The following RALYL variants were observed in gnomAD, a reference collection of about 807,000 sequenced individuals.
The protein encoded by RALYL is RALY RNA binding protein like.
RALYL carries 29 observed loss-of-function variants against 35.1 expected under a neutral mutation model. The observed-to-expected ratio is 0.83, with a 90% CI of 0.61 to 1.13. The LOEUF (loss-of-function observed/expected upper bound fraction) is 1.13, where lower values mean the gene tolerates loss of function less well. Ranked by LOEUF, RALYL falls within the 50% of genes most tolerant of loss-of-function variation. The probability of loss-of-function intolerance (pLI) is 0.00; values close to 1 mark genes in which losing one functional copy is unlikely to be tolerated. For missense variants in RALYL, 359 were observed against 360.4 expected (o/e 1.00, Z 0.03); for synonymous variants, 120 against 127.6 (o/e 0.94, Z 0.40).
At chr8:84,803,851 A>T (rs557210485) in intron 3 of RALYL, among the ~76,000 whole-genome samples, 1 of 152,226 alleles carries the variant, frequency 6.6e-6, no homozygotes, top group Non-Finnish European at 1.5e-5. Flanking sequence ...TAATTCTAAG[A>T]TAGTCATTTC....
intron 2 of RALYL, among the ~76,000 whole-genome samples, chr8:84,688,530 G>C (rs1837315508): frequency 6.6e-6 from 1 of 151,676 alleles, no homozygotes; most frequent in Admixed American, 6.6e-5. Context: ...TGCAGCAGAA[G>C]AAAAAAACTT....
At chr8:84,764,087 G>A (rs1469411106) in intron 2 of RALYL, among the ~76,000 whole-genome samples, 2 of 152,130 alleles carry the variant, frequency 1.3e-5, no homozygotes, top group Non-Finnish European at 2.9e-5. Flanking sequence ...TCGATAAAAC[G>A]TCTAACGTTA....
intron 1 of RALYL, among the ~76,000 whole-genome samples, chr8:84,331,914 T>C (rs532455949): frequency 2.2e-4 from 33 of 152,274 alleles, no homozygotes; most frequent in Admixed American, 7.2e-4. Flanking sequence ...ATCTCTGTAA[T>C]GTATTATAGT....
At chr8:84,747,053 TA>T (rs1013758733) in intron 2 of RALYL, among the ~76,000 whole-genome samples, 3 of 151,750 alleles carry the variant, frequency 2.0e-5, no homozygotes, top group African/African-American at 7.2e-5. Context: ...TATCTGAGCA[TA>T]AAAAAAGTCT....
At chr8:84,339,549 A>G (rs1035680033) in intron 1 of RALYL, among the ~76,000 whole-genome samples, 2 of 151,972 alleles carry the variant, frequency 1.3e-5, no homozygotes, top group African/African-American at 4.8e-5. Flanking sequence ...GGTGAATTGT[A>G]GAACTATTTT....
intron 2 of RALYL, among the ~76,000 whole-genome samples, chr8:84,672,410 C>A (rs1833439915): frequency 6.6e-6 from 1 of 152,208 alleles, no homozygotes; most frequent in South Asian, 2.1e-4. Flanking sequence ...TTCCTGTCTT[C>A]TTCTGAGTCC....
At chr8:84,469,710 G>A (rs1489645813) in intron 1 of RALYL, among the ~76,000 whole-genome samples, 1 of 152,212 alleles carries the variant, frequency 6.6e-6, no homozygotes, top group Non-Finnish European at 1.5e-5. Context: ...AAGCAAGCCT[G>A]GGCAATGGCA....
intron 4 of RALYL, among the ~76,000 whole-genome samples, chr8:84,817,410 A>G (rs1827581444): frequency 6.6e-6 from 1 of 151,938 alleles, no homozygotes; most frequent in Non-Finnish European, 1.5e-5. Context: ...TAAGAGCCCA[A>G]GTTCTGTGAT....
chr8:84,315,516 T>C (rs1433022608), intron 1 of RALYL, among the ~76,000 whole-genome samples: 1 of 152,062 alleles, frequency 6.6e-6, no homozygotes, highest in Non-Finnish European at 1.5e-5. Context: ...TAGGGGAGAA[T>C]TGTAGGTTAG....
chr8:84,215,176 T>G (rs1820498572), intron 1 of RALYL, among the ~76,000 whole-genome samples: 1 of 152,106 alleles, frequency 6.6e-6, no homozygotes, highest in South Asian at 2.1e-4. Flanking sequence ...GATTCATGAT[T>G]CAAAAAGTTC....
At chr8:84,220,451 A>T (rs1206726161) in intron 1 of RALYL, among the ~76,000 whole-genome samples, 3 of 152,028 alleles carry the variant, frequency 2.0e-5, no homozygotes, top group African/African-American at 7.2e-5. Flanking sequence ...TTGTCCAGTA[A>T]CACTAACTTT....
intron 1 of RALYL, chr8:84,346,008 A>G: frequency 1.2e-6 from 1 of 819,958 alleles, no homozygotes. Flanking sequence ...TGGGACAATT[A>G]TTATAACTTG....
chr8:84,420,108 G>A (rs1429927557), intron 1 of RALYL, among the ~76,000 whole-genome samples: 2 of 151,668 alleles, frequency 1.3e-5, no homozygotes, highest in South Asian at 2.1e-4. Context: ...CTAGATCCCT[G>A]AGGAATCGCC....
chr8:84,185,216 T>C (rs1177125266), intron 1 of RALYL: 1 of 637,594 alleles, frequency 1.6e-6, no homozygotes, highest in African/African-American at 1.8e-5. Flanking sequence ...TTTGCAGTAA[T>C]GACCCTACAC....
At chr8:84,329,269 T>C (rs1006468727) in intron 1 of RALYL, among the ~76,000 whole-genome samples, 1 of 152,182 alleles carries the variant, frequency 6.6e-6, no homozygotes, top group Non-Finnish European at 1.5e-5. Flanking sequence ...CCAGCATCTG[T>C]TGTTTTTAAC....
At chr8:84,899,329 G>A (rs572749149) in intron 8 of RALYL, among the ~76,000 whole-genome samples, 1 of 150,100 alleles carries the variant, frequency 6.7e-6, no homozygotes, top group South Asian at 2.1e-4. Context: ...CCTTCTTTCT[G>A]GATCACTGAT....
chr8:84,370,044 A>G (rs983927460), intron 1 of RALYL, among the ~76,000 whole-genome samples: 2 of 152,096 alleles, frequency 1.3e-5, no homozygotes, highest in African/African-American at 2.4e-5. Flanking sequence ...ATTAACAACA[A>G]TGGGACACAA....
intron 2 of RALYL, among the ~76,000 whole-genome samples, chr8:84,665,005 T>A (rs953681941): frequency 2.0e-5 from 3 of 152,206 alleles, no homozygotes; most frequent in Non-Finnish European, 4.4e-5. Flanking sequence ...GTTCCTTCAA[T>A]ACCTAGTTTA....
chr8:84,815,277 C>A (rs763181029), intron 4 of RALYL, among the ~76,000 whole-genome samples: 122 of 151,422 alleles, frequency 8.1e-4, no homozygotes, highest in Non-Finnish European at 1.6e-3. Context: ...TCATCTTAGA[C>A]CTAAGGCTGG....
Sources: allele counts gnomAD v4.1 joint callset (sites outside exome capture counted in the v4.1 genomes callset), GRCh38; gene constraint gnomAD v4.1.1; transcripts MANE v1.5; gene names NCBI Gene and HGNC (gene_info 2026-07-23, HGNC 2026-07-21).